The following ASTN1 variants were observed in gnomAD, a reference collection of about 807,000 sequenced individuals.
The protein encoded by ASTN1 is astrotactin-1.
Under a neutral mutation model 140.7 loss-of-function variants are expected in ASTN1, and 41 were observed. That is an observed-to-expected ratio of 0.29 (90% CI 0.23 to 0.38). The LOEUF is 0.38. Among genes scored for constraint, ASTN1 ranks in the 10% least tolerant of loss-of-function variants. The probability of loss-of-function intolerance (pLI) is 1.00; values close to 1 mark genes in which losing one functional copy is unlikely to be tolerated. For missense variants in ASTN1, 1,479 were observed against 1,678.8 expected (o/e 0.88, Z 2.08); for synonymous variants, 640 against 652.2 (o/e 0.98, Z 0.29).
intron 9 of ASTN1, among the ~76,000 whole-genome samples, chr1:176,959,861 G>T (rs796453337): frequency 6.6e-6 from 1 of 152,186 alleles, no homozygotes; most frequent in South Asian, 2.1e-4. Flanking sequence ...CTCTGAAAGA[G>T]TCACTCAATT....
At chr1:177,012,756 G>A (rs1409704309) in intron 8 of ASTN1, among the ~76,000 whole-genome samples, 1 of 152,148 alleles carries the variant, frequency 6.6e-6, no homozygotes, top group Non-Finnish European at 1.5e-5. Context: ...CTGTCTACAA[G>A]GCTAGAGATG....
At chr1:177,110,974 G>A (rs529737446) in intron 1 of ASTN1, among the ~76,000 whole-genome samples, 2 of 152,284 alleles carry the variant, frequency 1.3e-5, no homozygotes, top group South Asian at 4.1e-4. Flanking sequence ...TTTAACAGAG[G>A]TGAAATCAAA....
At chr1:177,100,701 G>A (rs941048273) in intron 1 of ASTN1, among the ~76,000 whole-genome samples, 1 of 152,164 alleles carries the variant, frequency 6.6e-6, no homozygotes, top group Non-Finnish European at 1.5e-5. Flanking sequence ...ACAGCGCAGG[G>A]AAGATGACTC....
chr1:177,097,775 A>T (rs1204840905), intron 1 of ASTN1, among the ~76,000 whole-genome samples: 1 of 152,180 alleles, frequency 6.6e-6, no homozygotes, highest in Non-Finnish European at 1.5e-5. Context: ...TCAGTGAGAA[A>T]AAAAGGGCTG....
chr1:176,919,246 TAATA>T (rs1452514267), intron 16 of ASTN1, among the ~76,000 whole-genome samples: 1 of 152,238 alleles, frequency 6.6e-6, no homozygotes, highest in Non-Finnish European at 1.5e-5. Context: ...ACTAAATGAC[TAATA>T]AATAAGTATA....
At chr1:177,119,052 G>A (rs576840023) in intron 1 of ASTN1, among the ~76,000 whole-genome samples, 1 of 152,172 alleles carries the variant, frequency 6.6e-6, no homozygotes, top group South Asian at 2.1e-4. Context: ...ATCTTCACTG[G>A]GAAGCCTTCC....
At chr1:176,948,278 G>A (rs764156660) in intron 12 of ASTN1, among the ~76,000 whole-genome samples, 1 of 148,224 alleles carries the variant, frequency 6.7e-6, no homozygotes, top group Non-Finnish European at 1.5e-5. Context: ...TTAGCAGGTC[G>A]GAAGAGAGAG....
chr1:177,024,826 G>T (rs560790134), intron 5 of ASTN1, 94 bp from the exon 6 acceptor site: 1 of 1,415,020 alleles, frequency 7.1e-7, no homozygotes, highest in Admixed American at 2.0e-5. Flanking sequence ...GCAAACAGGG[G>T]AGACAGTTGG....
chr1:177,102,703 A>G (rs753918462), intron 1 of ASTN1, among the ~76,000 whole-genome samples: 3 of 152,246 alleles, frequency 2.0e-5, no homozygotes, highest in African/African-American at 2.4e-5. Context: ...TCTTTTATAA[A>G]TGATGGTATC....
chr1:177,107,465 G>T (rs1680604991), intron 1 of ASTN1, among the ~76,000 whole-genome samples: 1 of 152,202 alleles, frequency 6.6e-6, no homozygotes, highest in African/African-American at 2.4e-5. Flanking sequence ...CTCCAGGATT[G>T]CCACCCACTT....
chr1:176,864,233 T>C lies in ASTN1; in HGVS notation c.*51A>G. Reference sequence around the variant, plus strand: ...AAATCCACAGACCAACCCAGATGGATCCCTCCTCTTTCCTACTTCATTCTG... The same window carrying C: ...AAATCCACAGACCAACCCAGATGGACCCCTCCTCTTTCCTACTTCATTCTG... On this transcript the variant is annotated 3_prime_UTR_variant, in exon 23 of 23. Coordinates refer to ENST00000361833, the MANE Select transcript of ASTN1 (RefSeq NM_004319.3). 2 of 1,595,292 alleles carry C rather than the reference T, an allele frequency of 1.3e-6. No individual in the cohort carries two copies. Among genetic ancestry groups the C allele is most frequent in the Non-Finnish European group, 1.7e-6 (2 of 1,170,622 alleles).
At chr1:176,988,201 T>C (rs920772269) in intron 8 of ASTN1, among the ~76,000 whole-genome samples, 3 of 150,578 alleles carry the variant, frequency 2.0e-5, no homozygotes, top group Admixed American at 6.7e-5. Flanking sequence ...AACATAATCA[T>C]AGAGATCTGG....
In ASTN1 at chr1:177,044,890, A is replaced by C. The variant is rs1439510102; in HGVS notation, c.472-12041T>G. 2.6e-5 allele frequency among the ~76,000 whole-genome samples: 4 copies of C among 152,210 alleles called. No homozygotes were observed. The East Asian group carries it at 7.7e-4, about 29-fold the overall frequency. On this transcript the variant is annotated intron_variant, in intron 2 of 22. Transcript: ENST00000361833. ...TTCTACATTTTAATAGTTGTGATTTATTTTTTCTATTCTTAACATTCAGTT... is the reference window on the plus strand; with the variant it reads ...TTCTACATTTTAATAGTTGTGATTTCTTTTTTCTATTCTTAACATTCAGTT...
chr1:176,941,709 T>C (rs1389024165), intron 14 of ASTN1, among the ~76,000 whole-genome samples: 3 of 152,214 alleles, frequency 2.0e-5, no homozygotes, highest in Non-Finnish European at 2.9e-5. Flanking sequence ...ATCTCATAAC[T>C]GAAGTAAAAT....
Position 177,032,471 on chromosome 1 carries a change from T to C in ASTN1, c.850A>G (p.Met284Val). ...CCATCCCCACCTGGTGTGAGGTCCA[T>C]CCCCGACTTTTCATTGCAGCCCTGC... ...SLQGCNEKSG[M>V]DLTPGSDNAK... The change falls in exon 3 of 23, where the codon ATG becomes GTG. Residue 284 changes from methionine (M) to valine (V), a missense_variant. Physicochemically the swap from Met to Val is conservative, Grantham distance 21. Transcript: ENST00000361833. 6.2e-7 allele frequency: 1 copy of C among 1,613,930 alleles called. No homozygotes were observed.
intron 1 of ASTN1, among the ~76,000 whole-genome samples, chr1:177,103,627 G>C (rs1015060793): frequency 1.3e-5 from 2 of 152,064 alleles, no homozygotes; most frequent in Non-Finnish European, 2.9e-5. Context: ...AAACTTAATA[G>C]CTGGCACATG....
At chr1:176,925,026 A>T (rs1264944991) in intron 16 of ASTN1, among the ~76,000 whole-genome samples, 1 of 152,222 alleles carries the variant, frequency 6.6e-6, no homozygotes, top group Non-Finnish European at 1.5e-5. Context: ...ATTGCCTTTA[A>T]TACTGATTTT....
intron 8 of ASTN1, among the ~76,000 whole-genome samples, chr1:176,987,666 G>T (rs897838273): frequency 6.6e-6 from 1 of 152,162 alleles, no homozygotes; most frequent in African/African-American, 2.4e-5. Flanking sequence ...TCTGCTCATG[G>T]TAACTTTCCT....
Position 176,863,924 on chromosome 1 carries a change from G to T in ASTN1, c.*360C>A, listed in dbSNP as rs1033154935. 9.4e-7 allele frequency: 1 copy of T among 1,061,760 alleles called. No homozygotes were observed. The highest frequency in any genetic ancestry group is 1.7e-5 in the African/African-American group (1 of 59,580). The allele number at this position is 1,061,760 out of a possible 1,614,324, so 65.8% of individuals were successfully genotyped here. Reference sequence around the variant, plus strand: ...GATTTAGGAACTGAGTGAGCACAGGGTGCCTACTTAATAGACTTTTCATGG... The same window carrying T: ...GATTTAGGAACTGAGTGAGCACAGGTTGCCTACTTAATAGACTTTTCATGG... On this transcript the variant is annotated 3_prime_UTR_variant, in exon 23 of 23. Coordinates refer to ENST00000361833, the MANE Select transcript of ASTN1 (RefSeq NM_004319.3).
Sources: gnomAD v4.1 joint callset for allele counts (sites outside exome capture counted in the v4.1 genomes callset) on GRCh38, gnomAD v4.1.1 for gene constraint, MANE v1.5 for transcripts, NCBI Gene and HGNC (gene_info 2026-07-23, HGNC 2026-07-21) for gene names.